The following IMMP2L variants were observed in gnomAD, a reference collection of about 807,000 sequenced individuals.
IMMP2L encodes inner mitochondrial membrane peptidase subunit 2.
IMMP2L carries 18 observed loss-of-function variants against 19.3 expected under a neutral mutation model. That is an observed-to-expected ratio of 0.93 (90% CI 0.64 to 1.38). The LOEUF (loss-of-function observed/expected upper bound fraction) is 1.38. Ranked by LOEUF, IMMP2L falls within the 40% of genes most tolerant of loss-of-function variation. IMMP2L has a pLI of 0.00. For synonymous variants in IMMP2L, 76 were observed against 73.0 expected (o/e 1.04, Z -0.21); for missense variants, 233 against 218.2 (o/e 1.07, Z -0.43).
chr7:110,683,621 C>G (rs1479737593), intron 5 of IMMP2L, among the ~76,000 whole-genome samples: 1 of 152,030 alleles, frequency 6.6e-6, no homozygotes, highest in Non-Finnish European at 1.5e-5. Flanking sequence ...CTCAATCTGT[C>G]CTCTTCAGAA....
At chr7:111,023,408 A>G (rs1826487083) in intron 3 of IMMP2L, among the ~76,000 whole-genome samples, 1 of 152,178 alleles carries the variant, frequency 6.6e-6, no homozygotes, top group African/African-American at 2.4e-5. Flanking sequence ...ATATAAATTT[A>G]TAAGTTTATG....
At chr7:110,912,109 C>T (rs1813120628) in intron 4 of IMMP2L, among the ~76,000 whole-genome samples, 1 of 151,930 alleles carries the variant, frequency 6.6e-6, no homozygotes, top group Admixed American at 6.6e-5. Flanking sequence ...AATAAACAAA[C>T]AAACCTAAGA....
At chr7:111,179,421 T>C (rs573520593) in intron 3 of IMMP2L, among the ~76,000 whole-genome samples, 4 of 152,138 alleles carry the variant, frequency 2.6e-5, no homozygotes, top group Admixed American at 1.3e-4. Context: ...GTGTTCGTGT[T>C]TGTTATGTGT....
At chr7:111,183,949 C>A (rs558206378) in intron 3 of IMMP2L, among the ~76,000 whole-genome samples, 1 of 151,972 alleles carries the variant, frequency 6.6e-6, no homozygotes, top group Non-Finnish European at 1.5e-5. Context: ...TATTTAATTT[C>A]TCTTGGTCTC....
intron 5 of IMMP2L, among the ~76,000 whole-genome samples, chr7:110,865,675 C>T (rs960821905): frequency 6.6e-6 from 1 of 151,908 alleles, no homozygotes; most frequent in African/African-American, 2.4e-5. Flanking sequence ...GTAGGCAGCA[C>T]CGATGAACCC....
At chr7:111,073,896 G>C (rs922103698) in intron 3 of IMMP2L, among the ~76,000 whole-genome samples, 9 of 152,228 alleles carry the variant, frequency 5.9e-5, no homozygotes, top group Admixed American at 1.3e-4. Context: ...TGTTGTATTT[G>C]GGATAAATTG....
rs180893977 is a variant in IMMP2L, at chr7:111,035,443, G to T, written c.240-71878C>A. 2.9e-4 allele frequency among the ~76,000 whole-genome samples: 44 copies of T among 152,234 alleles called. No individual in the cohort carries two copies. In the East Asian group the frequency reaches 6.8e-3, roughly 23 times the overall value. On this transcript the variant is annotated intron_variant, in intron 3 of 5. Coordinates refer to ENST00000405709, the MANE Select transcript of IMMP2L (RefSeq NM_032549.4). ...AAGTACAGATGCTTTCAGAGATGAG[G>T]TTACTTGGTTGGAATGAGACCTTAA...
chr7:111,010,731 G>A (rs773029253), intron 3 of IMMP2L, among the ~76,000 whole-genome samples: 2 of 152,042 alleles, frequency 1.3e-5, no homozygotes, highest in Non-Finnish European at 1.5e-5. Flanking sequence ...AGGTACTTTG[G>A]AAGAAATCAG....
At chr7:111,149,652 T>C (rs1803861117) in intron 3 of IMMP2L, among the ~76,000 whole-genome samples, 1 of 152,186 alleles carries the variant, frequency 6.6e-6, no homozygotes, top group South Asian at 2.1e-4. Flanking sequence ...CAAAAAATTT[T>C]CCAACATATA....
intron 5 of IMMP2L, 106 bp from the exon 6 acceptor site, chr7:110,663,827 G>C: frequency 1.4e-6 from 1 of 709,174 alleles, no homozygotes; most frequent in Non-Finnish European, 2.2e-6. Context: ...ATCCCAGGGA[G>C]AAGTGATGAT....
chr7:111,398,009 T>C (rs892562221), intron 3 of IMMP2L, among the ~76,000 whole-genome samples: 2 of 152,196 alleles, frequency 1.3e-5, no homozygotes, highest in African/African-American at 4.8e-5. Flanking sequence ...ATTATTTCTA[T>C]ATTTAACCCA....
At chr7:111,057,417 C>CAA (rs57175268) in intron 3 of IMMP2L, among the ~76,000 whole-genome samples, 2 of 149,150 alleles carry the variant, frequency 1.3e-5, no homozygotes, top group African/African-American at 4.9e-5. Context: ...AGTCTAACAC[C>CAA]AAAAAAAAAA....
rs1158523477 is a variant in IMMP2L, at chr7:110,924,960, T to C, written c.306-38265A>G. On this transcript the variant is annotated intron_variant, in intron 4 of 5. Transcript: ENST00000405709. This position sits in a 1 kb window ranked among gnomAD's most constrained non-coding sequence, Gnocchi z 4.2. ...AAAGGAGCTATTAAAAACTTTCAAC[T>C]ACATCTAACCATTCATAGTTATGCA... Among the ~76,000 whole-genome samples the C allele has an allele frequency of 6.6e-6, 1 of 152,158 alleles. No homozygotes were observed. The highest frequency in any genetic ancestry group is 2.4e-5 in the African/African-American group (1 of 41,440).
Position 110,924,016 on chromosome 7 carries a change from T to A in IMMP2L, c.306-37321A>T, listed in dbSNP as rs1814578141. Among the ~76,000 whole-genome samples, 1 of 152,316 alleles carries A rather than the reference T, an allele frequency of 6.6e-6. No individual in the cohort carries two copies. The highest frequency in any genetic ancestry group is 2.1e-4 in the South Asian group (1 of 4,828). Reference sequence around the variant, plus strand: ...CTTGGCCCTTAAGGCAGCATTCAGCTCACCTTGTAGCTCAGTCTCAAGTTT... The same window carrying A: ...CTTGGCCCTTAAGGCAGCATTCAGCACACCTTGTAGCTCAGTCTCAAGTTT... On this transcript the variant is annotated intron_variant, in intron 4 of 5. Coordinates refer to ENST00000405709, the MANE Select transcript of IMMP2L (RefSeq NM_032549.4). The surrounding 1 kb of genome is among the most constrained non-coding windows in gnomAD (Gnocchi z 4.2).
At chr7:110,780,792 G>A (rs1202358455) in intron 5 of IMMP2L, among the ~76,000 whole-genome samples, 1 of 20,238 alleles carries the variant, frequency 4.9e-5, no homozygotes, top group Non-Finnish European at 9.6e-5. Context: ...TAACAAAGGA[G>A]GGTGCCTTTG....
chr7:110,731,541 G>A (rs1043015517), intron 5 of IMMP2L, among the ~76,000 whole-genome samples: 2 of 152,172 alleles, frequency 1.3e-5, no homozygotes, highest in African/African-American at 4.8e-5. Flanking sequence ...TGACACAGGA[G>A]AGGGAGCTCA....
At chr7:110,912,863 A>G (rs924985927) in intron 4 of IMMP2L, among the ~76,000 whole-genome samples, 1 of 152,114 alleles carries the variant, frequency 6.6e-6, no homozygotes, top group South Asian at 2.1e-4. Context: ...CACAACCCAC[A>G]CTATGAGAAC....
At chr7:110,920,558 G>A (rs915775729) in intron 4 of IMMP2L, among the ~76,000 whole-genome samples, 2 of 152,130 alleles carry the variant, frequency 1.3e-5, no homozygotes, top group Admixed American at 1.3e-4. Context: ...TGACATTATT[G>A]TGAGGCTTCT....
chr7:110,871,085 TAA>T (rs59733601), intron 5 of IMMP2L, among the ~76,000 whole-genome samples: 8,469 of 152,042 alleles, frequency 0.056, 314 homozygotes, highest in African/African-American at 0.088. Context: ...TTGAGGGCAA[TAA>T]AAAGTGAGAC....
Sources: gnomAD v4.1 joint callset for allele counts (sites outside exome capture counted in the v4.1 genomes callset) on GRCh38, gnomAD v4.1.1 for gene constraint, Gnocchi (gnomAD v3.1) non-coding constraint, MANE v1.5 for transcripts, NCBI Gene and HGNC (gene_info 2026-07-23, HGNC 2026-07-21) for gene names.